Variants in KCNAB1 observed in about 807,000 individuals in gnomAD.
The protein encoded by KCNAB1 is voltage-gated potassium channel subunit beta-1.
KCNAB1 carries 35 observed loss-of-function variants against 64.6 expected under a neutral mutation model. The ratio of observed to expected loss-of-function variants is 0.54; its 90% confidence interval spans 0.41 to 0.72. The LOEUF is 0.72. Among genes scored for constraint, KCNAB1 ranks in the 30% least tolerant of loss-of-function variants. The probability of loss-of-function intolerance (pLI) is 0.00; values close to 1 mark genes in which losing one functional copy is unlikely to be tolerated. For synonymous variants in KCNAB1, 177 were observed against 183.8 expected (o/e 0.96, Z 0.30); for missense variants, 401 against 512.9 (o/e 0.78, Z 2.11).
At chr3:156,417,324 G>A (rs575791204) in intron 1 of KCNAB1, among the ~76,000 whole-genome samples, 1 of 152,302 alleles carries the variant, frequency 6.6e-6, no homozygotes, top group South Asian at 2.1e-4. Context: ...GACAGCAAAT[G>A]ATGTAATTCT....
intron 1 of KCNAB1, among the ~76,000 whole-genome samples, chr3:156,282,112 A>C (rs1385620584): frequency 6.8e-6 from 1 of 147,648 alleles, no homozygotes; most frequent in East Asian, 2.0e-4. Context: ...TAGTGCTATA[A>C]ATTTCCCTCT....
At chr3:156,275,822 C>T (rs1719306829) in intron 1 of KCNAB1, among the ~76,000 whole-genome samples, 1 of 152,172 alleles carries the variant, frequency 6.6e-6, no homozygotes, top group African/African-American at 2.4e-5. Context: ...TCTGTAGTTA[C>T]TTCCTCCACT....
intron 1 of KCNAB1, among the ~76,000 whole-genome samples, chr3:156,244,639 C>T (rs188527171): frequency 9.1e-4 from 138 of 152,300 alleles, no homozygotes; most frequent in African/African-American, 3.2e-3. Flanking sequence ...CCGCTTACTC[C>T]CCTAATACAC....
intron 1 of KCNAB1, among the ~76,000 whole-genome samples, chr3:156,256,352 C>G (rs1001412230): frequency 1.3e-5 from 2 of 152,194 alleles, no homozygotes; most frequent in African/African-American, 4.8e-5. Flanking sequence ...ATGGCACTAT[C>G]CCGTTCAGCT....
At chr3:156,357,900 T>A (rs1466027789) in intron 1 of KCNAB1, among the ~76,000 whole-genome samples, 1 of 151,496 alleles carries the variant, frequency 6.6e-6, no homozygotes, top group East Asian at 1.9e-4. Context: ...TCAATTTAGA[T>A]GCTAAAGTTT....
At chr3:156,429,009 TTGGAGGACTTATATGAGTC>T (rs1487458204) in intron 2 of KCNAB1, among the ~76,000 whole-genome samples, 5 of 152,226 alleles carry the variant, frequency 3.3e-5, no homozygotes, top group African/African-American at 9.7e-5. Flanking sequence ...TCTTAACACC[TTGGAGGACTTATATGAGTC>T]TCTCAAAAGG....
chr3:156,383,158 G>A (rs533602460), intron 1 of KCNAB1, among the ~76,000 whole-genome samples: 9 of 152,346 alleles, frequency 5.9e-5, no homozygotes, highest in Admixed American at 1.3e-4. Flanking sequence ...TTAGATTGGG[G>A]ATGGGGGCAG....
At chr3:156,465,426 T>C (rs1713289606) in intron 6 of KCNAB1, among the ~76,000 whole-genome samples, 1 of 152,100 alleles carries the variant, frequency 6.6e-6, no homozygotes, top group African/African-American at 2.4e-5. Flanking sequence ...GTTGAGCATG[T>C]TAGTGGCTTG....
At chr3:156,180,216 C>G (rs1210050407) in intron 1 of KCNAB1, among the ~76,000 whole-genome samples, 2 of 152,140 alleles carry the variant, frequency 1.3e-5, no homozygotes, top group African/African-American at 4.8e-5. Flanking sequence ...TAGTTATGGA[C>G]ATTTCCATTT....
chr3:156,201,939 T>A lies in KCNAB1; in HGVS notation c.275+81053T>A, dbSNP rs80157244. On this transcript the variant is annotated intron_variant, in intron 1 of 13. Transcript: ENST00000490337. ...AGGCCCCCAGGAGGTATCTGGGTGC[T>A]TTATTGTAAGCAGGCACAATTGGGC... is the stretch of plus-strand genomic sequence containing the variant. Among the ~76,000 whole-genome samples, 1,041 of 152,242 alleles carry A rather than the reference T, an allele frequency of 6.8e-3. 16 individuals are homozygous for A. The highest frequency in any genetic ancestry group is 0.024 in the African/African-American group (990 of 41,516).
chr3:156,394,668 C>T (rs1329584231), intron 1 of KCNAB1, among the ~76,000 whole-genome samples: 1 of 152,238 alleles, frequency 6.6e-6, no homozygotes, highest in Non-Finnish European at 1.5e-5. Flanking sequence ...TGACGTTAAG[C>T]TGTTCTGCCT....
At chr3:156,268,715 A>T (rs1418196503) in intron 1 of KCNAB1, among the ~76,000 whole-genome samples, 1 of 152,176 alleles carries the variant, frequency 6.6e-6, no homozygotes, top group African/African-American at 2.4e-5. Context: ...TCAGATTATT[A>T]TAATTTTTCC....
At chr3:156,317,823 T>G (rs1263307476) in intron 1 of KCNAB1, among the ~76,000 whole-genome samples, 4 of 152,188 alleles carry the variant, frequency 2.6e-5, no homozygotes, top group African/African-American at 9.7e-5. Flanking sequence ...CATGTCTTCT[T>G]GGATTTACTG....
intron 8 of KCNAB1, among the ~76,000 whole-genome samples, chr3:156,512,127 C>T (rs1033560808): frequency 3.3e-5 from 5 of 152,198 alleles, no homozygotes; most frequent in African/African-American, 4.8e-5. Flanking sequence ...TAACACTTTA[C>T]ATTTTATAAT....
At chr3:156,175,987 C>T (rs749414270) in intron 1 of KCNAB1, 17 of 944,964 alleles carry the variant, frequency 1.8e-5, no homozygotes, top group Non-Finnish European at 2.8e-5. Context: ...TGTGGTATCC[C>T]ACACATACAC....
chr3:156,284,436 C>T (rs1463979433), intron 1 of KCNAB1, among the ~76,000 whole-genome samples: 1 of 152,214 alleles, frequency 6.6e-6, no homozygotes, highest in Non-Finnish European at 1.5e-5. Context: ...CTGTGTCCTG[C>T]CCCCAGAGGT....
intron 1 of KCNAB1, among the ~76,000 whole-genome samples, chr3:156,247,056 A>G (rs975944900): frequency 6.6e-6 from 1 of 152,178 alleles, no homozygotes; most frequent in Non-Finnish European, 1.5e-5. Flanking sequence ...TCATGAATGT[A>G]TGATTGACTG....
At chr3:156,461,263 T>C (rs1459354917) in intron 5 of KCNAB1, among the ~76,000 whole-genome samples, 2 of 152,192 alleles carry the variant, frequency 1.3e-5, no homozygotes, top group East Asian at 3.9e-4. Context: ...AAATCCAAAA[T>C]CAAGGTTTGA....
At chr3:156,191,586 G>A (rs1399757852) in intron 1 of KCNAB1, among the ~76,000 whole-genome samples, 1 of 152,130 alleles carries the variant, frequency 6.6e-6, no homozygotes, top group South Asian at 2.1e-4. Flanking sequence ...TCACAGAGGG[G>A]CTCAGTCAGA....
Sources: allele counts gnomAD v4.1 joint callset (sites outside exome capture counted in the v4.1 genomes callset), GRCh38; gene constraint gnomAD v4.1.1; transcripts MANE v1.5; gene names NCBI Gene and HGNC (gene_info 2026-07-23, HGNC 2026-07-21).